NEK11: variants seen among roughly 807,000 people sequenced by gnomAD.
The protein encoded by NEK11 is serine/threonine-protein kinase Nek11.
NEK11 carries 72 observed loss-of-function variants against 80.7 expected under a neutral mutation model. That is an observed-to-expected ratio of 0.89 (90% CI 0.74 to 1.08). NEK11 has a LOEUF of 1.08. NEK11 is among the 50% of genes least tolerant of loss of function. NEK11 has a pLI of 0.00. For synonymous variants in NEK11, 251 were observed against 260.7 expected, an observed-to-expected ratio of 0.96 and a Z score of 0.36; for missense variants, 764 against 763.6, an observed-to-expected ratio of 1.00 and a Z score of -0.01.
chr3:131,058,164 G>A (rs2070001227), intron 3 of NEK11, among the ~76,000 whole-genome samples: 1 of 152,120 alleles, frequency 6.6e-6, no homozygotes, highest in South Asian at 2.1e-4. Flanking sequence ...CCCATTGCTT[G>A]TTTTTCTCAG....
chr3:131,070,074 T>A (rs2072990701), intron 3 of NEK11, among the ~76,000 whole-genome samples: 1 of 152,212 alleles, frequency 6.6e-6, no homozygotes, highest in Admixed American at 6.6e-5. Flanking sequence ...ATATAATAAT[T>A]GTAACAGAAG....
chr3:131,195,232 C>T (rs2093953451), intron 14 of NEK11, among the ~76,000 whole-genome samples: 1 of 152,128 alleles, frequency 6.6e-6, no homozygotes, highest in Non-Finnish European at 1.5e-5. Flanking sequence ...TATAAGGCCC[C>T]TGCCTGCTTG....
chr3:131,226,380 T>G (rs1348244912), intron 14 of NEK11, among the ~76,000 whole-genome samples: 6 of 152,192 alleles, frequency 3.9e-5, no homozygotes, highest in Non-Finnish European at 7.3e-5. Flanking sequence ...TGCACGTTTA[T>G]GTTTATCACA....
intron 3 of NEK11, among the ~76,000 whole-genome samples, chr3:131,050,722 TA>T (rs1311386607): frequency 1.3e-5 from 2 of 152,202 alleles, no homozygotes; most frequent in African/African-American, 4.8e-5. Flanking sequence ...AGCATTTTAG[TA>T]AAAGTTCTCT....
chr3:131,287,325 G>T (rs572350792), intron 17 of NEK11, among the ~76,000 whole-genome samples: 2 of 152,300 alleles, frequency 1.3e-5, no homozygotes, highest in South Asian at 2.1e-4. Context: ...CCGGGCTGGG[G>T]TGCAGTGGTG....
chr3:131,154,727 T>C, intron 9 of NEK11: 1 of 290,400 alleles, frequency 3.4e-6, no homozygotes, highest in Non-Finnish European at 6.6e-6. Context: ...CTCTACAGTC[T>C]GGGAGGTTGG....
At chr3:131,183,356 GGT>G (rs2093450036) in intron 14 of NEK11, among the ~76,000 whole-genome samples, 1 of 152,134 alleles carries the variant, frequency 6.6e-6, no homozygotes, top group Admixed American at 6.5e-5. Flanking sequence ...CATGTGCCAT[GGT>G]GGTTTATGGC....
At chr3:131,203,723 T>G (rs1162221613) in intron 14 of NEK11, among the ~76,000 whole-genome samples, 1 of 133,080 alleles carries the variant, frequency 7.5e-6, no homozygotes, top group East Asian at 2.2e-4. Flanking sequence ...TGTATATTTG[T>G]ATATTATATA....
At chr3:131,340,230 T>C (rs946756524) in intron 17 of NEK11, among the ~76,000 whole-genome samples, 3 of 152,208 alleles carry the variant, frequency 2.0e-5, no homozygotes, top group East Asian at 3.9e-4. Context: ...GTGGGGGACA[T>C]TGGGGTAGCA....
At chr3:131,107,448 T>C (rs1037958774) in intron 4 of NEK11, among the ~76,000 whole-genome samples, 12 of 152,130 alleles carry the variant, frequency 7.9e-5, no homozygotes, top group Non-Finnish European at 1.5e-4. Context: ...TTCTTTATCA[T>C]TGTCTTCATC....
chr3:131,320,972 A>G (rs1183780988), intron 17 of NEK11, among the ~76,000 whole-genome samples: 1 of 152,140 alleles, frequency 6.6e-6, no homozygotes, highest in Non-Finnish European at 1.5e-5. Context: ...TGACCAACAG[A>G]ATTTTTTCAC....
At chr3:131,126,380 T>C (rs2149517128) in intron 5 of NEK11, among the ~76,000 whole-genome samples, 1 of 152,314 alleles carries the variant, frequency 6.6e-6, no homozygotes, top group Admixed American at 6.5e-5. Flanking sequence ...AGTTTCTTTG[T>C]TTGTTTGTTT....
chr3:131,079,069 GT>G (rs1306299729), intron 3 of NEK11, among the ~76,000 whole-genome samples: 1 of 151,964 alleles, frequency 6.6e-6, no homozygotes, highest in African/African-American at 2.4e-5. Flanking sequence ...TTATTTTCAA[GT>G]TTTTTGGTAA....
intron 10 of NEK11, among the ~76,000 whole-genome samples, chr3:131,161,814 A>T (rs574858187): frequency 6.6e-6 from 1 of 152,222 alleles, no homozygotes; most frequent in Non-Finnish European, 1.5e-5. Flanking sequence ...AAACCTGCAC[A>T]TGCATCCCTG....
intron 5 of NEK11, among the ~76,000 whole-genome samples, chr3:131,118,063 A>G (rs1270362629): frequency 6.6e-6 from 1 of 152,084 alleles, no homozygotes; most frequent in South Asian, 2.1e-4. Flanking sequence ...GTTTTCAAAC[A>G]GAATGCTTCC....
chr3:131,135,397 A>G (rs901693812), intron 7 of NEK11, among the ~76,000 whole-genome samples: 3 of 152,196 alleles, frequency 2.0e-5, no homozygotes, highest in Admixed American at 2.0e-4. Context: ...AAAGAAAAAG[A>G]AAACCCAAAC....
At position 131,138,612 on chromosome 3, in the gene NEK11, A is replaced by T. The variant is rs370417351; in HGVS notation, c.647+4656A>T. Among the ~76,000 whole-genome samples the T allele has an allele frequency of 3.9e-5, 6 of 152,222 alleles. No individual in the cohort carries two copies. In the East Asian group the frequency reaches 7.8e-4, roughly 20 times the overall value. On this transcript the variant is annotated intron_variant, in intron 7 of 17. Transcript: ENST00000383366. ...GGGGCCTTGGACGAGACCTGGTGCC[A>T]CTACAGTCCCAGTAGTGGTGACCAA...
chr3:131,344,088 C>CTTT (rs1297052144), intron 17 of NEK11, among the ~76,000 whole-genome samples: 1 of 152,174 alleles, frequency 6.6e-6, no homozygotes, highest in African/African-American at 2.4e-5. Flanking sequence ...CTATCCTTCC[C>CTTT]TTTTAAATAT....
intron 7 of NEK11, among the ~76,000 whole-genome samples, chr3:131,149,248 GGTTTTCTGTTCCTCTGTTA>G (rs1372628788): frequency 3.3e-5 from 5 of 151,998 alleles, no homozygotes; most frequent in African/African-American, 9.7e-5. Context: ...TGCAGTATTT[GGTTTTCTGTTCCTCTGTTA>G]GTTTGCCTCC....
Sources: gnomAD v4.1 joint callset for allele counts (sites outside exome capture counted in the v4.1 genomes callset) on GRCh38, gnomAD v4.1.1 for gene constraint, MANE v1.5 for transcripts, NCBI Gene and HGNC (gene_info 2026-07-23, HGNC 2026-07-21) for gene names.